PSG6: variants seen among roughly 807,000 people sequenced by gnomAD.
The protein encoded by PSG6 is pregnancy-specific beta-1-glycoprotein 6.
A neutral mutation model predicts 43.3 loss-of-function variants in PSG6; 51 were observed. That is an observed-to-expected ratio of 1.18 (90% CI 0.94 to 1.49). The LOEUF is 1.49. Among genes scored for constraint, PSG6 ranks in the 40% most tolerant of loss-of-function variants. PSG6 has a pLI of 0.00. For synonymous variants in PSG6, 292 were observed against 197.6 expected, an observed-to-expected ratio of 1.48 and a Z score of -4.01; for missense variants, 770 against 522.2, an observed-to-expected ratio of 1.47 and a Z score of -4.62.
chr19:42,913,378 C>T (rs746735301), intron 2 of PSG6, among the ~76,000 whole-genome samples: 5 of 151,782 alleles, frequency 3.3e-5, no homozygotes, highest in Non-Finnish European at 7.4e-5. Flanking sequence ...TCTCTATCTC[C>T]TGACCTTGTG....
At chr19:42,913,584 T>G (rs936130991) in intron 2 of PSG6, among the ~76,000 whole-genome samples, 5 of 151,756 alleles carry the variant, frequency 3.3e-5, no homozygotes, top group Admixed American at 2.6e-4. Flanking sequence ...CCGGAGAATG[T>G]GAGCTCCATA....
Position 42,917,757 on chromosome 19 carries a change from G to C in PSG6, c.36C>G (p.His12Gln). 6.2e-7 allele frequency: 1 copy of C among 1,610,396 alleles called. No individual in the cohort carries two copies. Among genetic ancestry groups the C allele is most frequent in the East Asian group, 2.2e-5 (1 of 44,700 alleles). Residue 12 changes from histidine (H) to glutamine (Q), a missense_variant, in exon 1 of 6, where the codon CAC (histidine) becomes CAG (glutamine). Physicochemically the swap from His to Gln is conservative, Grantham distance 24 (BLOSUM62 0). Transcript: ENST00000187910. ...TGAGCAGGAGCCCCTTCCAGGTGAT[G>C]TGCTGAGTGCAGGGAGGGGCTGAGA... The part of the protein sequence containing the change: ...GPLSAPPCTQ[H>Q]ITWKGLLLTA...
chr19:42,914,988 C>T (rs1972297882), intron 2 of PSG6, among the ~76,000 whole-genome samples: 1 of 151,606 alleles, frequency 6.6e-6, no homozygotes, highest in Admixed American at 6.6e-5. Context: ...GGAGTACAGA[C>T]TAATCAGCTG....
At chr19:42,910,549 C>G in intron 3 of PSG6, 31 bp downstream of exon 3, 1 of 1,612,580 alleles carries the variant, frequency 6.2e-7, no homozygotes, top group South Asian at 1.1e-5. Flanking sequence ...GGGATGGCAG[C>G]CTGGCTCACA....
rs192933037 is a variant in PSG6 at position 42,907,670 on chromosome 19, G to A, written c.891C>T (p.Pro297=). 13 of 1,611,122 alleles carry A rather than the reference G, an allele frequency of 8.1e-6. 2 individuals are homozygous for A. In the Admixed American group the frequency reaches 1.2e-4, roughly 14 times the overall value. The change falls in exon 4 of 6, where the codon CCC becomes CCT. Residue 297 remains proline, a synonymous_variant. Transcript: ENST00000187910. Reference sequence around the variant, plus strand: ...GTCCTGTTTCATTTCTCGTGACACTGGGTAGAATGAGTATCCTGTTTTCAA... The same window carrying A: ...GTCCTGTTTCATTTCTCGTGACACTAGGTAGAATGAGTATCCTGTTTTCAA... ...RPIENRILIL[P]SVTRNETGPY...
intron 2 of PSG6, 26 bp downstream of exon 2, chr19:42,916,099 C>A: frequency 6.2e-7 from 1 of 1,608,162 alleles, no homozygotes; most frequent in Non-Finnish European, 8.5e-7. Flanking sequence ...CCCCCCAACA[C>A]CCAGGGATCA....
In PSG6 at chr19:42,907,137, T is replaced by C. The variant is rs529397502; in HGVS notation, c.1025A>G (p.Tyr342Cys). 82 of 1,612,358 alleles carry C rather than the reference T, an allele frequency of 5.1e-5. 4 individuals are homozygous for C. Among genetic ancestry groups the C allele is most frequent in the Non-Finnish European group, 5.6e-5 (66 of 1,179,024 alleles). Residue 342 changes from tyrosine (Y) to cysteine (C), a missense_variant, in exon 5 of 6, where the codon TAT (tyrosine) becomes TGT (cysteine). Tyr to Cys is a radical substitution (Grantham distance 194, BLOSUM62 -2). Transcript: ENST00000187910. ...GTCGAGGTTTTCTCCTGAACGGTAA[T>C]AGGTGAATGAAGGGTAAATTCTGGG... Reference protein sequence around the residue: ...DLPRIYPSFTYYRSGENLDLS... With the variant: ...DLPRIYPSFTCYRSGENLDLS...
intron 4 of PSG6, 147 bp downstream of exon 4, chr19:42,907,429 T>TC: frequency 1.3e-6 from 2 of 1,498,576 alleles, no homozygotes; most frequent in Non-Finnish European, 1.8e-6. Context: ...CTACCCAGGA[T>TC]TTCCCAGGGC....
At chr19:42,915,478 A>G (rs1164292042) in intron 2 of PSG6, 1 of 153,858 alleles carries the variant, frequency 6.5e-6, no homozygotes, top group Non-Finnish European at 1.4e-5. Context: ...TAGGCCTCCT[A>G]AGGCAGTTGG....
chr19:42,912,511 A>G (rs1307094166), intron 2 of PSG6, among the ~76,000 whole-genome samples: 1 of 151,764 alleles, frequency 6.6e-6, no homozygotes, highest in African/African-American at 2.4e-5. Context: ...AAGTAGAGAG[A>G]GTCCTGTTAA....
intron 3 of PSG6, 187 bp downstream of exon 3, chr19:42,910,393 C>G (rs1183946724): frequency 1.4e-6 from 2 of 1,460,012 alleles, no homozygotes; most frequent in Middle Eastern, 2.3e-4. Context: ...GGAGAAGCCT[C>G]TTCTCTCTTA....
rs371830972 is a variant in PSG6, at chr19:42,907,940, G to C, written c.707-86C>G. 93 of 1,548,902 alleles carry C rather than the reference G, an allele frequency of 6.0e-5. 4 individuals carry two copies. Among genetic ancestry groups the C allele is most frequent in the East Asian group, 2.9e-4 (13 of 44,404 alleles). ...CATTCAGAGTTGGCATCTCCCACCT[G>C]TCAACCCACATGAGTCCTTGAAAGC... On this transcript the variant is annotated intron_variant, in intron 3 of 5. Transcript: ENST00000187910.
At position 42,913,366 on chromosome 19, in the gene PSG6, G is replaced by T. The variant is rs58561746; in HGVS notation, c.428-2508C>A. On this transcript the variant is annotated intron_variant, in intron 2 of 5. Transcript: ENST00000187910. ...GGGGTTTCACCATGTTAGCCAGGAT[G>T]GTCTCTATCTCCTGACCTTGTGCCC... 7.6e-3 allele frequency among the ~76,000 whole-genome samples: 1,161 copies of T among 151,806 alleles called. 29 individuals carry two copies. Among genetic ancestry groups the T allele is most frequent in the African/African-American group, 0.026 (1,088 of 41,408 alleles).
chr19:42,917,365 T>A (rs1392129433), intron 1 of PSG6, among the ~76,000 whole-genome samples: 12 of 61,612 alleles, frequency 1.9e-4, no homozygotes, highest in African/African-American at 1.0e-3. Flanking sequence ...TTTTTATTCT[T>A]TTTTTTTTTT....
At chr19:42,908,210 C>A (rs932847004) in intron 3 of PSG6, among the ~76,000 whole-genome samples, 4 of 151,546 alleles carry the variant, frequency 2.6e-5, no homozygotes, top group African/African-American at 7.3e-5. Flanking sequence ...AACTGCTGGG[C>A]CCCTTCCAAA....
chr19:42,916,539 A>G (rs1326082119), intron 1 of PSG6, 52 bp from the exon 2 acceptor site: 2 of 1,567,712 alleles, frequency 1.3e-6, no homozygotes, highest in East Asian at 4.5e-5. Flanking sequence ...TATTGGGGTG[A>G]AAAGATGGGG....
Position 42,907,132 on chromosome 19 carries a change from G to A in PSG6, c.1030C>T (p.Arg344Cys), listed in dbSNP as rs1376840667. 6 of 1,612,720 alleles carry A rather than the reference G, an allele frequency of 3.7e-6. No homozygotes were observed. The highest frequency in any genetic ancestry group is 4.2e-6 in the Non-Finnish European group (5 of 1,179,254). Residue 344 changes from arginine (R) to cysteine (C), a missense_variant, in exon 5 of 6, where the codon CGT becomes TGT. Coordinates refer to ENST00000187910, the MANE Select transcript of PSG6 (RefSeq NM_001031850.4). ...GACAAGTCGAGGTTTTCTCCTGAAC[G>A]GTAATAGGTGAATGAAGGGTAAATT... ...PRIYPSFTYY[R>C]SGENLDLSCF...
Position 42,907,774 on chromosome 19 carries a change from GT to G in PSG6, c.786del (p.Glu262AspfsTer13). On this transcript the variant is annotated frameshift_variant, in exon 4 of 6. Transcript: ENST00000187910. LOFTEE classifies it high-confidence loss of function. ...EKKDVLAFTC[E>X]PKSRNYTYIW... ...ATGTAGGTGTAGTTCCGACTCTTAG[GT>G]TCACAGGTGAAGGCTAACACATCCT... is the stretch of plus-strand genomic sequence containing the variant. 7 of 1,610,984 alleles carry G rather than the reference GT, an allele frequency of 4.3e-6. 1 individual carries two copies. The highest frequency in any genetic ancestry group is 5.9e-6 in the Non-Finnish European group (7 of 1,179,080).
intron 3 of PSG6, 22 bp from the exon 4 acceptor site, chr19:42,907,876 G>T (rs534929609): frequency 3.7e-6 from 6 of 1,609,084 alleles, no homozygotes; most frequent in East Asian, 2.2e-5. Flanking sequence ...ACAGAAGATT[G>T]TCCTGTGTGG....
Sources: allele counts gnomAD v4.1 joint callset (sites outside exome capture counted in the v4.1 genomes callset), GRCh38; gene constraint gnomAD v4.1.1; transcripts MANE v1.5; gene names NCBI Gene and HGNC (gene_info 2026-07-23, HGNC 2026-07-21).